Variants in CCDC85A observed in about 807,000 individuals in gnomAD.
The protein encoded by CCDC85A is coiled-coil domain-containing protein 85A.
In CCDC85A, 38 loss-of-function variants were observed where a neutral mutation model predicts 50.2. That is an observed-to-expected ratio of 0.76 (90% confidence interval 0.58 to 0.99). The LOEUF is 0.99. CCDC85A is among the 50% of genes least tolerant of loss of function. The probability of loss-of-function intolerance (pLI) is 0.00; values close to 1 mark genes in which losing one functional copy is unlikely to be tolerated. For synonymous variants in CCDC85A, 366 were observed against 301.4 expected (o/e 1.21, Z -2.22); for missense variants, 820 against 742.0 (o/e 1.11, Z -1.22).
rs150993634 is a variant in CCDC85A at position 56,343,044 on chromosome 2, C to G, written c.1317+89C>G. ...ATTTAAAAGCTCAATGACGTTTTGTCTTTTAAATGATAGAAATCATTTTGT... is the reference window on the plus strand; with the variant it reads ...ATTTAAAAGCTCAATGACGTTTTGTGTTTTAAATGATAGAAATCATTTTGT... On this transcript the variant is annotated intron_variant, in intron 3 of 5. Transcript: ENST00000407595. 2.8e-3 allele frequency: 2,472 copies of G among 887,430 alleles called. 6 individuals carry two copies. Among genetic ancestry groups the G allele is most frequent in the Middle Eastern group, 3.6e-3 (16 of 4,472 alleles). The allele number at this position is 887,430 out of a possible 1,614,324, so 55.0% of individuals were successfully genotyped here.
chr2:56,292,933 A>C (rs184699284), intron 2 of CCDC85A, among the ~76,000 whole-genome samples: 1 of 152,204 alleles, frequency 6.6e-6, no homozygotes, highest in Non-Finnish European at 1.5e-5. Flanking sequence ...TCTAAACCCA[A>C]TTGATAGTCA....
intron 2 of CCDC85A, among the ~76,000 whole-genome samples, chr2:56,335,875 C>T (rs925072570): frequency 6.6e-6 from 1 of 152,046 alleles, no homozygotes; most frequent in Non-Finnish European, 1.5e-5. Context: ...GCTGGGATTA[C>T]AGGCGTGAGC....
rs1336192523 is a variant in CCDC85A, at chr2:56,329,943, C to CTTTTTTTTTTTTTTTT, written c.1241-12935_1241-12934insTTTTTTTTTTTTTTTT. Reference sequence around the variant, plus strand: ...TGAAAATTTGTTTTTTACAGATTTCCTGTTTTTTTTTTTTTTTTTTTTTTT... The same window carrying CTTTTTTTTTTTTTTTT: ...TGAAAATTTGTTTTTTACAGATTTCCTTTTTTTTTTTTTTTTTGTTTTTTTTTTTTTTTTTTTTTTT... On this transcript the variant is annotated intron_variant, in intron 2 of 5. Coordinates refer to ENST00000407595, the MANE Select transcript of CCDC85A (RefSeq NM_001080433.2). 3.9e-4 allele frequency among the ~76,000 whole-genome samples: 9 copies of CTTTTTTTTTTTTTTTT among 22,892 alleles called. 1 individual carries two copies. The highest frequency in any genetic ancestry group is 1.9e-3 in the South Asian group (1 of 536). The allele number at this position is 22,892 out of a possible 152,430, so 15.0% of individuals were successfully genotyped here.
intron 2 of CCDC85A, among the ~76,000 whole-genome samples, chr2:56,236,763 G>A (rs116747204): frequency 0.022 from 3,301 of 152,098 alleles, 115 homozygotes; most frequent in African/African-American, 0.073. Context: ...TTTTCTTTGT[G>A]AATGGCTTCT....
chr2:56,366,916 T>G (rs1165920452), intron 3 of CCDC85A, among the ~76,000 whole-genome samples: 1 of 152,222 alleles, frequency 6.6e-6, no homozygotes, highest in Non-Finnish European at 1.5e-5. Context: ...TCTTTTTATC[T>G]ATTTAATCTT....
chr2:56,280,515 G>A lies in CCDC85A; in HGVS notation c.1241-62364G>A, dbSNP rs148608542. On this transcript the variant is annotated intron_variant, in intron 2 of 5. Transcript: ENST00000407595. ...TAGTACATGCCGAACCAAACTTCAC[G>A]TTAATTCCTCCTCACCATGCTTACA... Among the ~76,000 whole-genome samples, 26 of 152,144 alleles carry A rather than the reference G, an allele frequency of 1.7e-4. 1 individual carries two copies. In the East Asian group the frequency reaches 3.1e-3, roughly 18 times the overall value.
intron 3 of CCDC85A, among the ~76,000 whole-genome samples, chr2:56,351,301 G>T (rs1450627592): frequency 6.6e-6 from 1 of 151,680 alleles, no homozygotes; most frequent in Non-Finnish European, 1.5e-5. Context: ...GAATAGTGCC[G>T]CAATAAACAT....
rs540902558 is a variant in CCDC85A, at chr2:56,353,899, C to A, written c.1317+10944C>A. 3.9e-4 allele frequency among the ~76,000 whole-genome samples: 59 copies of A among 152,298 alleles called. 1 individual carries two copies. The South Asian group carries it at 0.012, about 30-fold the overall frequency. On this transcript the variant is annotated intron_variant, in intron 3 of 5. Transcript: ENST00000407595. ...TATACAGCCCAGCCACAACTGTGAG[C>A]ATAGCGTTACTGAGTAGACTGTGTT...
At chr2:56,235,563 T>G (rs547510059) in intron 2 of CCDC85A, among the ~76,000 whole-genome samples, 1 of 152,280 alleles carries the variant, frequency 6.6e-6, no homozygotes, top group African/African-American at 2.4e-5. Flanking sequence ...CTTTTCAAAC[T>G]TGGTGTCCAT....
At chr2:56,382,882 G>A (rs1306857334) in intron 5 of CCDC85A, among the ~76,000 whole-genome samples, 2 of 151,942 alleles carry the variant, frequency 1.3e-5, no homozygotes, top group African/African-American at 4.8e-5. Context: ...AAGCATTCTG[G>A]ATAGATGTAA....
intron 2 of CCDC85A, among the ~76,000 whole-genome samples, chr2:56,201,586 A>G (rs1046197999): frequency 1.3e-5 from 2 of 152,164 alleles, no homozygotes; most frequent in South Asian, 2.1e-4. Flanking sequence ...CTAAGTGTCC[A>G]TAATTGCTAG....
At chr2:56,272,176 C>A (rs1573145309) in intron 2 of CCDC85A, among the ~76,000 whole-genome samples, 1 of 151,724 alleles carries the variant, frequency 6.6e-6, no homozygotes, top group African/African-American at 2.4e-5. Flanking sequence ...AGTATTAATC[C>A]CTAAGGTTAA....
At chr2:56,349,361 C>T (rs998537805) in intron 3 of CCDC85A, among the ~76,000 whole-genome samples, 6 of 151,866 alleles carry the variant, frequency 4.0e-5, no homozygotes, top group Admixed American at 6.6e-5. Context: ...GGGAGCAGCA[C>T]GAGTGGTGTG....
chr2:56,347,340 C>T (rs1426983324), intron 3 of CCDC85A, among the ~76,000 whole-genome samples: 1 of 152,160 alleles, frequency 6.6e-6, no homozygotes, highest in African/African-American at 2.4e-5. Flanking sequence ...TGCACAGTGG[C>T]TCCCTTAATC....
At chr2:56,310,015 C>T (rs911872309) in intron 2 of CCDC85A, among the ~76,000 whole-genome samples, 7 of 152,192 alleles carry the variant, frequency 4.6e-5, no homozygotes, top group African/African-American at 1.4e-4. Context: ...ACACTATTCA[C>T]ACCATCACCT....
chr2:56,290,698 G>C (rs1671663852), intron 2 of CCDC85A, among the ~76,000 whole-genome samples: 1 of 152,186 alleles, frequency 6.6e-6, no homozygotes, highest in African/African-American at 2.4e-5. Flanking sequence ...TTTATCACCA[G>C]CTTCTTTACT....
rs72917069 is a variant in CCDC85A at position 56,205,484 on chromosome 2, A to G, written c.1240+12044A>G. Among the ~76,000 whole-genome samples, 250 of 152,322 alleles carry G rather than the reference A, an allele frequency of 1.6e-3. 1 individual carries two copies. Among genetic ancestry groups the G allele is most frequent in the African/African-American group, 5.7e-3 (239 of 41,584 alleles). ...TTATAAATCATTGCCTTGACTAATT[A>G]GGAAGCCATGCATGCTAAATAATGT... On this transcript the variant is annotated intron_variant, in intron 2 of 5. Coordinates refer to ENST00000407595, the MANE Select transcript of CCDC85A (RefSeq NM_001080433.2).
chr2:56,235,535 A>C lies in CCDC85A; in HGVS notation c.1240+42095A>C, dbSNP rs117761329. Among the ~76,000 whole-genome samples, 216 of 152,320 alleles carry C rather than the reference A, an allele frequency of 1.4e-3. 5 individuals carry two copies. The East Asian group carries it at 0.031, about 22-fold the overall frequency. ...AGAAGCAGAATGTATAAGACACTGA[A>C]AATAGAGACTAAATTTTCTTTTCAA... On this transcript the variant is annotated intron_variant, in intron 2 of 5. Transcript: ENST00000407595.
chr2:56,357,134 A>G (rs1199790398), intron 3 of CCDC85A, among the ~76,000 whole-genome samples: 1 of 151,920 alleles, frequency 6.6e-6, no homozygotes, highest in Non-Finnish European at 1.5e-5. Flanking sequence ...AAGGTGTCTC[A>G]TGCAGTCTTC....
Sources: gnomAD v4.1 joint callset for allele counts (sites outside exome capture counted in the v4.1 genomes callset) on GRCh38, gnomAD v4.1.1 for gene constraint, MANE v1.5 for transcripts, NCBI Gene and HGNC (gene_info 2026-07-23, HGNC 2026-07-21) for gene names.